NTRK3: variants seen among roughly 807,000 people sequenced by gnomAD.
The protein encoded by NTRK3 is neurotrophic receptor tyrosine kinase 3.
NTRK3 carries 24 observed loss-of-function variants against 91.7 expected under a neutral mutation model. The observed-to-expected ratio is 0.26, with a 90% CI of 0.19 to 0.37. NTRK3 has a LOEUF of 0.37. Ranked by LOEUF, NTRK3 falls within the 10% of genes least tolerant of loss-of-function variation. The probability of loss-of-function intolerance (pLI) is 1.00; values close to 1 mark genes in which losing one functional copy is unlikely to be tolerated. For missense variants in NTRK3, 880 were observed against 1,068.9 expected (o/e 0.82, Z 2.46); for synonymous variants, 483 against 404.0 (o/e 1.20, Z -2.34).
At chr15:87,896,242 G>A (rs1567080928) in intron 17 of NTRK3, among the ~76,000 whole-genome samples, 1 of 152,118 alleles carries the variant, frequency 6.6e-6, no homozygotes, top group Non-Finnish European at 1.5e-5. Flanking sequence ...GGAGGCCGAG[G>A]CACGCAAATC....
At chr15:87,999,557 T>C (rs557472455) in intron 14 of NTRK3, among the ~76,000 whole-genome samples, 167 of 152,350 alleles carry the variant, frequency 1.1e-3, no homozygotes, top group Admixed American at 2.2e-3. Context: ...TCTTCCTTCA[T>C]GCAAATTTTA....
intron 6 of NTRK3, chr15:88,144,040 T>C (rs992061015): frequency 1.3e-5 from 2 of 152,228 alleles, no homozygotes; most frequent in Non-Finnish European, 2.9e-5. Flanking sequence ...ATTGCCTAAA[T>C]TGTATCTTGA....
chr15:87,884,734 T>A (rs2065440906), intron 17 of NTRK3, among the ~76,000 whole-genome samples: 1 of 151,694 alleles, frequency 6.6e-6, no homozygotes, highest in Non-Finnish European at 1.5e-5. Context: ...AATTAAAAGA[T>A]AAAAGAAGAA....
At chr15:87,918,365 T>A (rs1449096693) in intron 17 of NTRK3, among the ~76,000 whole-genome samples, 1 of 152,246 alleles carries the variant, frequency 6.6e-6, no homozygotes, top group Non-Finnish European at 1.5e-5. Context: ...CATGGTGGTC[T>A]TTCCTTTACC....
At chr15:87,908,259 C>T (rs143641178) in intron 17 of NTRK3, among the ~76,000 whole-genome samples, 25 of 152,272 alleles carry the variant, frequency 1.6e-4, no homozygotes, top group Non-Finnish European at 2.6e-4. Flanking sequence ...GATTATGGCC[C>T]GCCACCCCCC....
rs1213896338 is a variant in NTRK3, at chr15:88,127,034, G to GTTCAA, written c.1293+123_1293+127dup. 5.9e-6 allele frequency: 5 copies of GTTCAA among 840,592 alleles called. No homozygotes were observed. The Admixed American group carries it at 8.1e-5, about 14-fold the overall frequency. 52.1% of individuals were successfully genotyped at this position (840,592 alleles called of 1,614,324 possible). On this transcript the variant is annotated intron_variant, in intron 12 of 18. Transcript: ENST00000394480. Reference sequence around the variant, plus strand: ...GGAAGGTTTAAACTGCCTGAACGTAGTTCAATTCATTACTTTTTTTTTTCA... The same window carrying GTTCAA: ...GGAAGGTTTAAACTGCCTGAACGTAGTTCAATTCAATTCATTACTTTTTTTTTTCA...
At chr15:87,949,288 C>A (rs1423116023) in intron 14 of NTRK3, among the ~76,000 whole-genome samples, 2 of 152,000 alleles carry the variant, frequency 1.3e-5, no homozygotes. Flanking sequence ...TCGTATTGAA[C>A]CAGGAAAGTA....
At chr15:87,884,665 G>A (rs148807572) in intron 17 of NTRK3, among the ~76,000 whole-genome samples, 4 of 151,544 alleles carry the variant, frequency 2.6e-5, no homozygotes, top group Admixed American at 2.6e-4. Flanking sequence ...GCTCAATAAG[G>A]TTTACCCTAG....
chr15:88,049,360 T>G (rs2080576739), intron 13 of NTRK3, among the ~76,000 whole-genome samples: 9 of 152,218 alleles, frequency 5.9e-5, no homozygotes. Context: ...TGCTTTATTA[T>G]TTTTTAATTG....
intron 14 of NTRK3, among the ~76,000 whole-genome samples, chr15:87,988,664 TTTTG>T (rs1407623516): frequency 2.0e-5 from 3 of 152,262 alleles, no homozygotes; most frequent in Non-Finnish European, 4.4e-5. Flanking sequence ...AGACGTTGAT[TTTTG>T]TTTATTGATC....
In NTRK3 at chr15:88,143,280, G is replaced by T. The variant is rs547866554; in HGVS notation, c.464+4055C>A. On this transcript the variant is annotated intron_variant, in intron 6 of 18. Coordinates refer to ENST00000394480, the Ensembl canonical transcript of NTRK3. ...TGGAGATTAAAGACAAAGAGACAGG[G>T]ATGGCAGGCACGTGAGATGGAGTCA... Among the ~76,000 whole-genome samples the T allele has an allele frequency of 1.1e-4, 17 of 152,298 alleles. No homozygotes were observed. The East Asian group carries it at 1.5e-3, about 14-fold the overall frequency.
At chr15:87,968,758 T>C (rs763205637) in intron 14 of NTRK3, among the ~76,000 whole-genome samples, 13 of 152,266 alleles carry the variant, frequency 8.5e-5, no homozygotes, top group Non-Finnish European at 1.3e-4. Context: ...AAGAGCGTGT[T>C]TGTACCATGT....
chr15:88,236,666 TA>T (rs60381926), intron 3 of NTRK3, among the ~76,000 whole-genome samples: 98 of 142,970 alleles, frequency 6.9e-4, no homozygotes, highest in Non-Finnish European at 9.2e-4. Context: ...AGGAAGGGAT[TA>T]AAAAAAAAAA....
chr15:88,228,423 A>G (rs530547896), intron 3 of NTRK3, among the ~76,000 whole-genome samples: 24 of 152,152 alleles, frequency 1.6e-4, no homozygotes, highest in African/African-American at 5.3e-4. Context: ...GTCTCATCCT[A>G]TCAGTCCCCT....
intron 13 of NTRK3, among the ~76,000 whole-genome samples, chr15:88,066,941 C>G (rs567490609): frequency 6.6e-6 from 1 of 152,330 alleles, no homozygotes; most frequent in East Asian, 1.9e-4. Context: ...TCCTTTCTCC[C>G]AGGCTCCACT....
At chr15:88,033,189 T>TATATATATATATAC (rs2078733858) in intron 13 of NTRK3, 144 bp from the exon 14 acceptor site, 1 of 97,114 alleles carries the variant, frequency 1.0e-5, no homozygotes, top group Non-Finnish European at 2.0e-5. Context: ...TATATATATA[T>TATATATATATATAC]ATATATATAT....
intron 5 of NTRK3, among the ~76,000 whole-genome samples, chr15:88,153,700 T>C (rs1567540523): frequency 6.6e-6 from 1 of 152,050 alleles, no homozygotes; most frequent in African/African-American, 2.4e-5. Flanking sequence ...CCAAGATCAA[T>C]GGGGCAGCAG....
intron 13 of NTRK3, among the ~76,000 whole-genome samples, chr15:88,043,303 C>T (rs576229375): frequency 4.6e-5 from 7 of 152,206 alleles, no homozygotes; most frequent in Non-Finnish European, 1.0e-4. Context: ...GACTGGAATA[C>T]AAAATGCTGG....
chr15:88,138,846 A>G (rs2042121099), intron 6 of NTRK3, among the ~76,000 whole-genome samples: 1 of 152,168 alleles, frequency 6.6e-6, no homozygotes, highest in Admixed American at 6.5e-5. Context: ...GGTCAGCAAC[A>G]TTGCCTGTTT....
Sources: allele counts gnomAD v4.1 joint callset (sites outside exome capture counted in the v4.1 genomes callset), GRCh38; gene constraint gnomAD v4.1.1; transcripts MANE v1.5; gene names NCBI Gene and HGNC (gene_info 2026-07-23, HGNC 2026-07-21).